The following PRKCA variants were observed in gnomAD, a reference collection of about 807,000 sequenced individuals.
PRKCA encodes the protein protein kinase C alpha type.
Under a neutral mutation model 87.0 loss-of-function variants are expected in PRKCA, and 27 were observed. The ratio of observed to expected loss-of-function variants is 0.31; its 90% CI spans 0.23 to 0.43. The LOEUF (loss-of-function observed/expected upper bound fraction) is 0.43, where lower values mean the gene tolerates loss of function less well. Among genes scored for constraint, PRKCA ranks in the 20% least tolerant of loss-of-function variants. The pLI, the probability that PRKCA is intolerant of heterozygous loss-of-function variation, is 1.00. For synonymous variants in PRKCA, 329 were observed against 311.1 expected (o/e 1.06, Z -0.61); for missense variants, 518 against 852.3 (o/e 0.61, Z 4.88).
chr17:66,575,012 A>G (rs1969191397), intron 3 of PRKCA, among the ~76,000 whole-genome samples: 1 of 152,198 alleles, frequency 6.6e-6, no homozygotes, highest in African/African-American at 2.4e-5. Flanking sequence ...TTTCACTTAA[A>G]GTAATTTCCA....
At chr17:66,604,263 C>G (rs780146316) in intron 3 of PRKCA, among the ~76,000 whole-genome samples, 1 of 152,106 alleles carries the variant, frequency 6.6e-6, no homozygotes, top group Non-Finnish European at 1.5e-5. Context: ...AAAAAGTGGC[C>G]TGGGAAACAG....
At chr17:66,428,220 C>T (rs2143820872) in intron 2 of PRKCA, among the ~76,000 whole-genome samples, 1 of 152,264 alleles carries the variant, frequency 6.6e-6, no homozygotes, top group South Asian at 2.1e-4. Context: ...ATAAAGAAAC[C>T]TGATAGATTG....
chr17:66,303,720 C>CGGCCA (rs1904645391), intron 1 of PRKCA, among the ~76,000 whole-genome samples: 1 of 152,092 alleles, frequency 6.6e-6, no homozygotes, highest in Non-Finnish European at 1.5e-5. Context: ...TAGACCCTGT[C>CGGCCA]GGCCAGGCGC....
chr17:66,606,287 C>T (rs1970207511), intron 3 of PRKCA, among the ~76,000 whole-genome samples: 1 of 152,102 alleles, frequency 6.6e-6, no homozygotes, highest in African/African-American at 2.4e-5. Flanking sequence ...ACTCGGGAGG[C>T]TGAGGCAGGA....
chr17:66,764,173 T>C (rs1974747604), intron 13 of PRKCA, among the ~76,000 whole-genome samples: 2 of 152,226 alleles, frequency 1.3e-5, no homozygotes, highest in Admixed American at 6.5e-5. Context: ...TTATGAGGAT[T>C]AGGTGAGCTT....
chr17:66,588,856 A>T (rs578203205), intron 3 of PRKCA, among the ~76,000 whole-genome samples: 7 of 151,728 alleles, frequency 4.6e-5, no homozygotes, highest in Non-Finnish European at 1.0e-4. Flanking sequence ...GCCCAGGCTG[A>T]TCTCGAACTA....
intron 3 of PRKCA, among the ~76,000 whole-genome samples, chr17:66,504,354 C>T (rs944827085): frequency 2.0e-5 from 3 of 151,902 alleles, no homozygotes; most frequent in South Asian, 2.1e-4. Flanking sequence ...TTTGGGAGGC[C>T]GAGGCAGGTG....
intron 8 of PRKCA, among the ~76,000 whole-genome samples, chr17:66,728,541 A>G (rs547010803): frequency 2.0e-5 from 3 of 152,232 alleles, no homozygotes; most frequent in Non-Finnish European, 4.4e-5. Flanking sequence ...CCAAGGTCAT[A>G]TTGCAAATAA....
intron 2 of PRKCA, among the ~76,000 whole-genome samples, chr17:66,309,953 C>G (rs1025390861): frequency 6.6e-6 from 1 of 152,126 alleles, no homozygotes; most frequent in Admixed American, 6.5e-5. Context: ...GAGAACAGAG[C>G]GATCCACTGT....
At chr17:66,303,157 C>T (rs1904606430) in intron 1 of PRKCA, 133 bp downstream of exon 1, 1 of 1,237,310 alleles carries the variant, frequency 8.1e-7, no homozygotes, top group South Asian at 1.5e-5. Flanking sequence ...GAACTCTTCG[C>T]CCGGAGTGAC....
intron 5 of PRKCA, among the ~76,000 whole-genome samples, chr17:66,646,283 G>C (rs188274114): frequency 6.6e-6 from 1 of 152,166 alleles, no homozygotes; most frequent in Non-Finnish European, 1.5e-5. Flanking sequence ...GCTTTTTCCT[G>C]TGGTTTTCCC....
chr17:66,475,891 C>A (rs79099132), intron 2 of PRKCA, among the ~76,000 whole-genome samples: 6,024 of 151,998 alleles, frequency 0.04, 349 homozygotes, highest in African/African-American at 0.13. Context: ...TGATTTTCTT[C>A]TTATTTTTTA....
At chr17:66,732,651 A>T (rs2144203248) in intron 8 of PRKCA, 37 bp from the exon 9 acceptor site, 1 of 1,612,986 alleles carries the variant, frequency 6.2e-7, no homozygotes, top group South Asian at 1.1e-5. Context: ...CCCCAGAAAA[A>T]TGACCCACGT....
intron 2 of PRKCA, among the ~76,000 whole-genome samples, chr17:66,442,481 C>T (rs183603335): frequency 6.6e-6 from 1 of 152,172 alleles, no homozygotes; most frequent in East Asian, 1.9e-4. Flanking sequence ...CCAGCTCCAC[C>T]CCACGCTTTC....
chr17:66,376,414 G>A (rs1909417606), intron 2 of PRKCA, among the ~76,000 whole-genome samples: 2 of 152,108 alleles, frequency 1.3e-5, no homozygotes, highest in African/African-American at 2.4e-5. Flanking sequence ...TCAAGACCGG[G>A]CTGGCCAACA....
chr17:66,316,029 A>G (rs1015673827), intron 2 of PRKCA, among the ~76,000 whole-genome samples: 3 of 152,232 alleles, frequency 2.0e-5, no homozygotes, highest in Non-Finnish European at 4.4e-5. Flanking sequence ...TGAGCTCATC[A>G]GGAGATGGCT....
intron 1 of PRKCA, among the ~76,000 whole-genome samples, chr17:66,303,866 G>T (rs1033321786): frequency 6.6e-6 from 1 of 152,154 alleles, no homozygotes; most frequent in Non-Finnish European, 1.5e-5. Context: ...CGGGCGTGGT[G>T]GCACACGCCT....
intron 2 of PRKCA, among the ~76,000 whole-genome samples, chr17:66,351,678 A>G (rs1300871065): frequency 6.6e-6 from 1 of 152,248 alleles, no homozygotes; most frequent in Non-Finnish European, 1.5e-5. Context: ...ACGATTAAAC[A>G]TGTGACTATA....
At chr17:66,759,080 C>T (rs181596026) in intron 13 of PRKCA, among the ~76,000 whole-genome samples, 34 of 152,096 alleles carry the variant, frequency 2.2e-4, no homozygotes, top group South Asian at 8.3e-4. Context: ...TTGGGCTGGG[C>T]GTGGTGGCTC....
Sources: allele counts gnomAD v4.1 joint callset (sites outside exome capture counted in the v4.1 genomes callset), GRCh38; gene constraint gnomAD v4.1.1; transcripts MANE v1.5; gene names NCBI Gene and HGNC (gene_info 2026-07-23, HGNC 2026-07-21).